The following NR5A2 variants were observed in gnomAD, a reference collection of about 807,000 sequenced individuals.
NR5A2 encodes nuclear receptor subfamily 5 group A member 2, also known as CYP7A promoter-binding factor.
NR5A2 carries 26 observed loss-of-function variants against 62.7 expected under a neutral mutation model. That is an observed-to-expected ratio of 0.41 (90% CI 0.30 to 0.58). The LOEUF (loss-of-function observed/expected upper bound fraction) is 0.58, where lower values mean the gene tolerates loss of function less well. NR5A2 is among the 20% of genes least tolerant of loss of function. The probability of loss-of-function intolerance (pLI) is 0.22; values close to 1 mark genes in which losing one functional copy is unlikely to be tolerated. For synonymous variants in NR5A2, 246 were observed against 241.7 expected, an observed-to-expected ratio of 1.02 and a Z score of -0.16; for missense variants, 541 against 669.1, an observed-to-expected ratio of 0.81 and a Z score of 2.11.
chr1:200,114,933 A>G (rs1274165743), intron 6 of NR5A2, among the ~76,000 whole-genome samples: 10 of 152,200 alleles, frequency 6.6e-5, no homozygotes, highest in Admixed American at 4.6e-4. Context: ...TCACGCCGGC[A>G]TTTAATATGG....
Position 200,104,699 on chromosome 1 carries a change from G to A in NR5A2, c.1111-6503G>A, listed in dbSNP as rs144392785. ...TTTTTTTGAGACAGAGTCTCACTCC[G>A]TCACCCAGGCTGGAGCGCAGTGGCG... is the stretch of plus-strand genomic sequence containing the variant. On this transcript the variant is annotated intron_variant, in intron 5 of 7. Transcript: ENST00000367362. Among the ~76,000 whole-genome samples, 1,256 of 152,174 alleles carry A rather than the reference G, an allele frequency of 8.3e-3. 19 individuals carry two copies. The highest frequency in any genetic ancestry group is 0.028 in the African/African-American group (1,161 of 41,524).
chr1:200,053,569 G>GCACGCACACA (rs1553266381), intron 5 of NR5A2, among the ~76,000 whole-genome samples: 1 of 141,994 alleles, frequency 7.0e-6, no homozygotes, highest in Non-Finnish European at 1.5e-5. Context: ...GCATGCACAC[G>GCACGCACACA]CACACACACA....
chr1:200,076,258 C>T (rs2102226834), intron 5 of NR5A2, among the ~76,000 whole-genome samples: 1 of 152,256 alleles, frequency 6.6e-6, no homozygotes, highest in Non-Finnish European at 1.5e-5. Flanking sequence ...CAGTGATTTC[C>T]AGTTCCTTTG....
Position 200,143,424 on chromosome 1 carries a change from G to GT in NR5A2, c.1378+22479dup, listed in dbSNP as rs200529531. Among the ~76,000 whole-genome samples the GT allele has an allele frequency of 5.7e-3, 846 of 147,896 alleles. 3 individuals carry two copies. Among genetic ancestry groups the GT allele is most frequent in the Middle Eastern group, 0.031 (9 of 286 alleles). On this transcript the variant is annotated intron_variant, in intron 7 of 7. Coordinates refer to ENST00000367362, the MANE Select transcript of NR5A2 (RefSeq NM_205860.3). ...TGGGCAGTAAATTAGGATTAGTTTTGTTTTTTTTTTCCCCCTTCTTTCATT... is the reference window on the plus strand; with the variant it reads ...TGGGCAGTAAATTAGGATTAGTTTTGTTTTTTTTTTTCCCCCTTCTTTCATT...
chr1:200,134,519 C>T (rs1667129257), intron 7 of NR5A2, among the ~76,000 whole-genome samples: 1 of 152,204 alleles, frequency 6.6e-6, no homozygotes, highest in Non-Finnish European at 1.5e-5. Flanking sequence ...GGCTTTACCA[C>T]ATATCCCGGG....
chr1:200,117,625 C>T (rs534846729), intron 6 of NR5A2, among the ~76,000 whole-genome samples: 1 of 152,198 alleles, frequency 6.6e-6, no homozygotes, highest in East Asian at 1.9e-4. Flanking sequence ...TAATTAACTC[C>T]ATCTTAATAA....
intron 5 of NR5A2, among the ~76,000 whole-genome samples, chr1:200,061,584 T>A (rs558906385): frequency 6.6e-6 from 1 of 152,322 alleles, no homozygotes; most frequent in African/African-American, 2.4e-5. Flanking sequence ...GACCCGGGAT[T>A]AACTTTACAA....
At chr1:200,100,154 C>T (rs1369060188) in intron 5 of NR5A2, among the ~76,000 whole-genome samples, 2 of 152,244 alleles carry the variant, frequency 1.3e-5, no homozygotes, top group East Asian at 1.9e-4. Context: ...AACTGGAGAA[C>T]AGGAAACAGG....
chr1:200,037,852 G>A (rs1178768501), intron 1 of NR5A2, among the ~76,000 whole-genome samples: 4 of 152,188 alleles, frequency 2.6e-5, no homozygotes, highest in African/African-American at 9.7e-5. Context: ...AGGTGTGGGT[G>A]GGTGATGAAC....
rs751348254 is a variant in NR5A2, at chr1:200,048,716, C to A, written c.1008C>A (p.His336Gln). The A allele has an allele frequency of 1.2e-6, 2 of 1,614,038 alleles. No homozygotes were observed. Among genetic ancestry groups the A allele is most frequent in the Non-Finnish European group, 1.7e-6 (2 of 1,180,034 alleles). ...AAGAGCAGGCTAACCGAAGCAAGCA[C>A]GAAAAGCTGAGCACCTTTGGGCTTA... is the stretch of plus-strand genomic sequence containing the variant. ...LQQEQANRSK[H>Q]EKLSTFGLMC... is the part of the protein sequence containing the mutation. Residue 336 changes from histidine (H) to glutamine (Q), a missense_variant, in exon 5 of 8, where the codon CAC (histidine) becomes CAA (glutamine). Physicochemically the swap from His to Gln is conservative, Grantham distance 24 (BLOSUM62 0). Transcript: ENST00000367362. The surrounding 1 kb of genome is among the most constrained non-coding windows in gnomAD (Gnocchi z 4.8).
In NR5A2 at chr1:200,075,040, A is replaced by G. The variant is rs373898103; in HGVS notation, c.1110+26222A>G. Among the ~76,000 whole-genome samples the G allele has an allele frequency of 7.9e-5, 12 of 152,294 alleles. No individual in the cohort carries two copies. The East Asian group carries it at 1.2e-3, about 15-fold the overall frequency. On this transcript the variant is annotated intron_variant, in intron 5 of 7. Transcript: ENST00000367362. ...GTCCTCTAGGAAAAATAAGTCTTAGAATTATTTCTCTCCAGTAGGAATTTA... is the reference window on the plus strand; with the variant it reads ...GTCCTCTAGGAAAAATAAGTCTTAGGATTATTTCTCTCCAGTAGGAATTTA...
At chr1:200,150,408 A>G (rs897153963) in intron 7 of NR5A2, among the ~76,000 whole-genome samples, 10 of 152,248 alleles carry the variant, frequency 6.6e-5, no homozygotes, top group African/African-American at 1.9e-4. Context: ...TAATGCCTCT[A>G]TGCTACAACA....
chr1:200,099,112 C>T (rs1479101145), intron 5 of NR5A2, among the ~76,000 whole-genome samples: 1 of 152,180 alleles, frequency 6.6e-6, no homozygotes. Flanking sequence ...AAGTCCTCTA[C>T]TTGTCCCTGG....
intron 5 of NR5A2, among the ~76,000 whole-genome samples, chr1:200,106,061 C>CCTGTTT (rs373033375): frequency 9.6e-5 from 11 of 115,064 alleles, no homozygotes; most frequent in South Asian, 2.4e-4. Flanking sequence ...CAGATTCACT[C>CCTGTTT]TTCTTTTTTT....
chr1:200,085,037 C>T (rs1352208291), intron 5 of NR5A2, among the ~76,000 whole-genome samples: 1 of 152,164 alleles, frequency 6.6e-6, no homozygotes, highest in African/African-American at 2.4e-5. Context: ...GTATCCGGGG[C>T]TCTACCCTCA....
chr1:200,091,300 A>T (rs1023066436), intron 5 of NR5A2, among the ~76,000 whole-genome samples: 32 of 152,012 alleles, frequency 2.1e-4, no homozygotes, highest in African/African-American at 7.7e-4. Context: ...AGCTCACTAA[A>T]CCCTTACAAC....
chr1:200,049,207 G>A (rs1571714038), intron 5 of NR5A2, among the ~76,000 whole-genome samples: 2 of 152,012 alleles, frequency 1.3e-5, no homozygotes, highest in Non-Finnish European at 2.9e-5. Context: ...ATATTATAAT[G>A]GTGTCATCTT....
chr1:200,159,665 T>TTAG (rs762224886), intron 7 of NR5A2, among the ~76,000 whole-genome samples: 1 of 150,864 alleles, frequency 6.6e-6, no homozygotes, highest in Non-Finnish European at 1.5e-5. Context: ...ATTATTATTA[T>TTAG]TTTTGAGACA....
chr1:200,107,741 G>A (rs775175311), intron 5 of NR5A2, among the ~76,000 whole-genome samples: 17 of 152,138 alleles, frequency 1.1e-4, no homozygotes, highest in Non-Finnish European at 2.4e-4. Flanking sequence ...CTGGGTTCAA[G>A]CAATTCTCCT....
Sources: gnomAD v4.1 joint callset for allele counts (sites outside exome capture counted in the v4.1 genomes callset) on GRCh38, gnomAD v4.1.1 for gene constraint, Gnocchi (gnomAD v3.1) non-coding constraint, MANE v1.5 for transcripts, NCBI Gene and HGNC (gene_info 2026-07-23, HGNC 2026-07-21) for gene names.